SGTB: variants seen among roughly 807,000 people sequenced by gnomAD.
SGTB encodes the protein small glutamine rich tetratricopeptide repeat co-chaperone beta, also known as small glutamine-rich tetratricopeptide repeat-containing protein beta.
Under a neutral mutation model 43.9 loss-of-function variants are expected in SGTB, and 19 were observed. That is an observed-to-expected ratio of 0.43 (90% CI 0.30 to 0.63). SGTB has a LOEUF of 0.63. Ranked by LOEUF, SGTB falls within the 30% of genes least tolerant of loss-of-function variation. The pLI, the probability that SGTB is intolerant of heterozygous loss-of-function variation, is 0.12. For synonymous variants in SGTB, 116 were observed against 117.3 expected, an observed-to-expected ratio of 0.99 and a Z score of 0.07; for missense variants, 304 against 358.9, an observed-to-expected ratio of 0.85 and a Z score of 1.24.
chr5:65,708,926 A>T (rs1213149832), intron 3 of SGTB, among the ~76,000 whole-genome samples: 1 of 152,092 alleles, frequency 6.6e-6, no homozygotes, highest in East Asian at 1.9e-4. Context: ...CTGTAGTCCC[A>T]GCTACTTGGG....
intron 5 of SGTB, among the ~76,000 whole-genome samples, chr5:65,688,967 G>A (rs1241122883): frequency 6.6e-6 from 1 of 151,946 alleles, no homozygotes; most frequent in Non-Finnish European, 1.5e-5. Flanking sequence ...CCGCCACCAC[G>A]CCCAGCTAAT....
intron 5 of SGTB, among the ~76,000 whole-genome samples, chr5:65,702,394 TTC>T (rs1757842548): frequency 6.6e-6 from 1 of 152,136 alleles, no homozygotes; most frequent in African/African-American, 2.4e-5. Flanking sequence ...ATACCTAGAC[TTC>T]TCTCTTCCTT....
chr5:65,682,585 A>G (rs1234657481), intron 6 of SGTB, among the ~76,000 whole-genome samples: 1 of 152,242 alleles, frequency 6.6e-6, no homozygotes, highest in Non-Finnish European at 1.5e-5. Flanking sequence ...ACAGAGTATC[A>G]GTACTTATGT....
At chr5:65,704,201 T>A in intron 5 of SGTB, 78 bp downstream of exon 5, 1 of 1,073,942 alleles carries the variant, frequency 9.3e-7, no homozygotes, top group East Asian at 2.7e-5. Flanking sequence ...TCTAAATAAT[T>A]AAGATTTGCA....
intron 5 of SGTB, among the ~76,000 whole-genome samples, chr5:65,699,409 A>C (rs1481942072): frequency 6.6e-6 from 1 of 152,226 alleles, no homozygotes; most frequent in Non-Finnish European, 1.5e-5. Context: ...GGGAGATGAG[A>C]GATAAAAAAC....
intron 1 of SGTB, 53 bp from the exon 2 acceptor site, chr5:65,720,882 G>C (rs144960830): frequency 1.3e-6 from 2 of 1,551,714 alleles, no homozygotes; most frequent in Non-Finnish European, 1.7e-6. Context: ...GAATCAGTCA[G>C]GAAAGTCATA....
chr5:65,678,851 T>C (rs558570588), intron 8 of SGTB, among the ~76,000 whole-genome samples: 4 of 152,312 alleles, frequency 2.6e-5, no homozygotes, highest in Admixed American at 1.3e-4. Flanking sequence ...CAACTCAAGA[T>C]GGATTAAAGA....
intron 5 of SGTB, among the ~76,000 whole-genome samples, chr5:65,694,487 T>A (rs1757679770): frequency 6.6e-6 from 1 of 152,124 alleles, no homozygotes; most frequent in Admixed American, 6.5e-5. Context: ...TTGTCTTTTG[T>A]TTTTTGAGAC....
upstream of SGTB, chr5:65,722,368 G>A: frequency 6.3e-7 from 1 of 1,576,630 alleles, no homozygotes; most frequent in South Asian, 1.2e-5. Context: ...GCCTCTCAGC[G>A]CTCCCATGAT....
At chr5:65,677,774 T>C (rs1248123593) in intron 8 of SGTB, among the ~76,000 whole-genome samples, 4 of 152,202 alleles carry the variant, frequency 2.6e-5, no homozygotes, top group African/African-American at 9.6e-5. Flanking sequence ...TGAAGAGGCC[T>C]TCAAGAAAAT....
In SGTB at chr5:65,672,274, C is replaced by T; in HGVS notation, c.689G>A (p.Ser230Asn). 6.2e-7 allele frequency: 1 copy of T among 1,614,072 alleles called. No homozygotes were observed. Among genetic ancestry groups the T allele is most frequent in the Non-Finnish European group, 8.5e-7 (1 of 1,179,986 alleles). Reference protein sequence around the residue: ...NNPAFISMAASLMQNPQVQQL... With the variant: ...NNPAFISMAANLMQNPQVQQL... The stretch of plus-strand genomic sequence containing the variant: ...TTGAACTTGAGGGTTCTGCATTAAA[C>T]TTGCCGCCTGGAATTGAAAAACAGC... The change falls in exon 9 of 11, where the codon AGT (serine) becomes AAT (asparagine). Residue 230 changes from serine to asparagine, a missense_variant. Physicochemically the swap from Ser to Asn is conservative, Grantham distance 46 (BLOSUM62 1). Coordinates refer to ENST00000381007, the MANE Select transcript of SGTB (RefSeq NM_019072.3).
intron 5 of SGTB, among the ~76,000 whole-genome samples, chr5:65,687,416 A>G (rs1757520147): frequency 6.6e-6 from 1 of 152,240 alleles, no homozygotes; most frequent in South Asian, 2.1e-4. Context: ...ATATACTTCA[A>G]TGGGTGACAC....
At chr5:65,693,905 C>A (rs1303635735) in intron 5 of SGTB, among the ~76,000 whole-genome samples, 16 of 152,176 alleles carry the variant, frequency 1.1e-4, no homozygotes, top group Admixed American at 1.0e-3. Context: ...CAGAAAAGTT[C>A]TGTATCTGTA....
At chr5:65,684,641 C>T (rs549559387) in intron 6 of SGTB, among the ~76,000 whole-genome samples, 13 of 152,176 alleles carry the variant, frequency 8.5e-5, no homozygotes, top group African/African-American at 2.6e-4. Flanking sequence ...CAACCTCTGC[C>T]GCCCAGGTTC....
intron 1 of SGTB, among the ~76,000 whole-genome samples, chr5:65,721,279 T>G (rs1758270581): frequency 6.6e-6 from 1 of 152,172 alleles, no homozygotes; most frequent in African/African-American, 2.4e-5. Flanking sequence ...CTTTTGTAGG[T>G]TGAGAGTTAT....
In SGTB at chr5:65,672,245, G is replaced by T; in HGVS notation, c.718C>A (p.Leu240Ile). Residue 240 changes from leucine (L) to isoleucine (I), a missense_variant and splice_region_variant, in exon 9 of 11, where the codon CTA (leucine) becomes ATA (isoleucine). Coordinates refer to ENST00000381007, the MANE Select transcript of SGTB (RefSeq NM_019072.3). ...AATAAGCTCTTTCTATATACTTACAGCTGTTGAACTTGAGGGTTCTGCATT... is the reference window on the plus strand; with the variant it reads ...AATAAGCTCTTTCTATATACTTACATCTGTTGAACTTGAGGGTTCTGCATT... ...SLMQNPQVQQ[L>I]MSGMMTNAIG... is the part of the protein sequence containing the mutation. 2 of 1,614,046 alleles carry T rather than the reference G, an allele frequency of 1.2e-6. No individual in the cohort carries two copies. Among genetic ancestry groups the T allele is most frequent in the Non-Finnish European group, 1.7e-6 (2 of 1,179,984 alleles).
chr5:65,675,159 C>T (rs1221479978), intron 8 of SGTB, among the ~76,000 whole-genome samples: 2 of 152,136 alleles, frequency 1.3e-5, no homozygotes, highest in African/African-American at 4.8e-5. Context: ...ACATATTGGA[C>T]CAGAGCGTGT....
chr5:65,699,044 GA>G (rs200041883), intron 5 of SGTB, among the ~76,000 whole-genome samples: 2 of 151,098 alleles, frequency 1.3e-5, no homozygotes, highest in Non-Finnish European at 3.0e-5. Context: ...CCCACCCAAA[GA>G]AAAAAAAATC....
chr5:65,681,183 CTA>C (rs994067921), intron 6 of SGTB, among the ~76,000 whole-genome samples: 3 of 152,130 alleles, frequency 2.0e-5, no homozygotes, highest in Non-Finnish European at 4.4e-5. Context: ...TTTAAGGACT[CTA>C]AACTGTATTT....
Sources: allele counts gnomAD v4.1 joint callset (sites outside exome capture counted in the v4.1 genomes callset), GRCh38; gene constraint gnomAD v4.1.1; transcripts MANE v1.5; gene names NCBI Gene and HGNC (gene_info 2026-07-23, HGNC 2026-07-21).